Variants in STIM1 observed in about 807,000 individuals in gnomAD.
The protein encoded by STIM1 is stromal interaction molecule 1.
In STIM1, 25 loss-of-function variants were observed where a neutral mutation model predicts 74.7. That is an observed-to-expected ratio of 0.33 (90% CI 0.24 to 0.47). The LOEUF (loss-of-function observed/expected upper bound fraction) is 0.47, where lower values mean the gene tolerates loss of function less well. STIM1 is among the 20% of genes least tolerant of loss of function. The pLI, the probability that STIM1 is intolerant of heterozygous loss-of-function variation, is 1.00. For synonymous variants in STIM1, 328 were observed against 348.8 expected (o/e 0.94, Z 0.66); for missense variants, 728 against 920.8 (o/e 0.79, Z 2.71).
At chr11:4,037,230 A>G (rs774706196) in intron 3 of STIM1, among the ~76,000 whole-genome samples, 2 of 151,742 alleles carry the variant, frequency 1.3e-5, no homozygotes, top group Non-Finnish European at 2.9e-5. Flanking sequence ...TAGTTTTTGG[A>G]TTTTTAGTAG....
In STIM1 at chr11:3,879,593, G is replaced by A. The variant is rs191760974; in HGVS notation, c.139+23184G>A. Among the ~76,000 whole-genome samples, 380 of 152,316 alleles carry A rather than the reference G, an allele frequency of 2.5e-3. 4 individuals are homozygous for A. The highest frequency in any genetic ancestry group is 8.8e-3 in the African/African-American group (365 of 41,570). ...TATCATGCCCACAGCTGCTCTGTGA[G>A]GTGGGACAGGAGGGGATTGTTATCT... On this transcript the variant is annotated intron_variant, in intron 1 of 12. Coordinates refer to ENST00000526596, the MANE Select transcript of STIM1 (RefSeq NM_001382567.1).
intron 2 of STIM1, among the ~76,000 whole-genome samples, chr11:3,997,860 A>C (rs1192170587): frequency 6.6e-6 from 1 of 152,236 alleles, no homozygotes; most frequent in Admixed American, 6.5e-5. Flanking sequence ...AAAGCTTTCA[A>C]AGAATCATAG....
intron 1 of STIM1, among the ~76,000 whole-genome samples, chr11:3,946,022 G>A (rs1453637648): frequency 6.6e-6 from 1 of 152,038 alleles, no homozygotes; most frequent in Non-Finnish European, 1.5e-5. Flanking sequence ...GGAGGGATCC[G>A]CCCCCATGAC....
At chr11:4,057,496 G>T (rs1312980712) in intron 4 of STIM1, among the ~76,000 whole-genome samples, 1 of 152,166 alleles carries the variant, frequency 6.6e-6, no homozygotes, top group Non-Finnish European at 1.5e-5. Flanking sequence ...GCAGATTTGA[G>T]TTCATTCTCT....
At chr11:4,018,473 A>AAC (rs2093922919) in intron 2 of STIM1, among the ~76,000 whole-genome samples, 1 of 146,896 alleles carries the variant, frequency 6.8e-6, no homozygotes, top group South Asian at 2.2e-4. Flanking sequence ...AAAAAAAAAA[A>AAC]AAAAAAAAAA....
At chr11:4,018,014 T>G (rs1187305102) in intron 2 of STIM1, among the ~76,000 whole-genome samples, 1 of 152,166 alleles carries the variant, frequency 6.6e-6, no homozygotes, top group Admixed American at 6.5e-5. Context: ...ATCAAAGTCT[T>G]GATAATAGCC....
In STIM1 at chr11:3,921,031, G is replaced by C. The variant is rs540369479; in HGVS notation, c.140-46521G>C. On this transcript the variant is annotated intron_variant, in intron 1 of 12. Transcript: ENST00000526596. ...GGCTGGTTTTGAACTCCTGACCTCA[G>C]GTAATCTGCCCACCTTGGCTTCCCA... is the stretch of plus-strand genomic sequence containing the variant. 5.3e-5 allele frequency among the ~76,000 whole-genome samples: 8 copies of C among 152,174 alleles called. No homozygotes were observed. The East Asian group carries it at 1.5e-3, about 29-fold the overall frequency.
chr11:3,895,698 CTTT>C (rs2092091390), intron 1 of STIM1, among the ~76,000 whole-genome samples: 1 of 28,562 alleles, frequency 3.5e-5, no homozygotes, highest in African/African-American at 2.4e-4. Flanking sequence ...TTCTTTCTTT[CTTT>C]CTTTCTTTCT....
chr11:4,064,374 C>A (rs1590685029), intron 5 of STIM1, among the ~76,000 whole-genome samples: 1 of 152,098 alleles, frequency 6.6e-6, no homozygotes, highest in African/African-American at 2.4e-5. Flanking sequence ...TATTTCAGTT[C>A]TATTCTTTAA....
At chr11:3,859,122 CTT>C (rs2090501114) in intron 1 of STIM1, among the ~76,000 whole-genome samples, 1 of 152,136 alleles carries the variant, frequency 6.6e-6, no homozygotes, top group Admixed American at 6.5e-5. Context: ...GATTTTTTCT[CTT>C]TTGGATGTAT....
At chr11:3,854,931 C>T (rs1047942747), upstream of STIM1, 3 of 152,372 alleles carry the variant, frequency 2.0e-5, no homozygotes, top group Admixed American at 6.5e-5. Context: ...ACTCGCAGGC[C>T]CCAGTGGCCC....
At chr11:3,896,060 A>G (rs1334771811) in intron 1 of STIM1, among the ~76,000 whole-genome samples, 2 of 150,826 alleles carry the variant, frequency 1.3e-5, no homozygotes, top group East Asian at 1.9e-4. Flanking sequence ...GCCCACCACC[A>G]CACCCGGCTA....
At chr11:3,945,553 T>C (rs1457834764) in intron 1 of STIM1, among the ~76,000 whole-genome samples, 1 of 152,052 alleles carries the variant, frequency 6.6e-6, no homozygotes, top group Non-Finnish European at 1.5e-5. Context: ...GAGCCGAGAT[T>C]GCACCACTGC....
chr11:4,055,698 G>A, intron 4 of STIM1, 61 bp downstream of exon 4: 2 of 1,314,704 alleles, frequency 1.5e-6, no homozygotes, highest in Non-Finnish European at 2.1e-6. Context: ...GAGTGGGCCT[G>A]CCTTCAGATT....
intron 3 of STIM1, among the ~76,000 whole-genome samples, chr11:4,053,405 A>G (rs1402809191): frequency 6.6e-6 from 1 of 152,256 alleles, no homozygotes; most frequent in East Asian, 1.9e-4. Flanking sequence ...GCAGCCATAA[A>G]AAAGGATGAA....
chr11:3,877,243 CATTATTATT>C (rs147307800), intron 1 of STIM1, among the ~76,000 whole-genome samples: 5 of 150,130 alleles, frequency 3.3e-5, no homozygotes, highest in African/African-American at 1.2e-4. Flanking sequence ...TACAGAACAA[CATTATTATT>C]ATTATTATTA....
chr11:4,073,319 G>A (rs538875593), intron 6 of STIM1, among the ~76,000 whole-genome samples: 84 of 152,222 alleles, frequency 5.5e-4, no homozygotes, highest in Non-Finnish European at 9.4e-4. Context: ...CAAACTCTCA[G>A]TCTTTGTTCT....
At chr11:3,911,214 A>G (rs533531942) in intron 1 of STIM1, among the ~76,000 whole-genome samples, 50 of 152,216 alleles carry the variant, frequency 3.3e-4, no homozygotes, top group African/African-American at 1.2e-3. Flanking sequence ...CTAACAAGTC[A>G]ATCTAACTGT....
intron 3 of STIM1, among the ~76,000 whole-genome samples, chr11:4,050,105 G>A (rs1232663932): frequency 6.6e-6 from 1 of 152,046 alleles, no homozygotes; most frequent in Non-Finnish European, 1.5e-5. Flanking sequence ...TATCCCCTAT[G>A]GGCCAAACAA....
Sources: gnomAD v4.1 joint callset for allele counts (sites outside exome capture counted in the v4.1 genomes callset) on GRCh38, gnomAD v4.1.1 for gene constraint, MANE v1.5 for transcripts, NCBI Gene and HGNC (gene_info 2026-07-23, HGNC 2026-07-21) for gene names.